Variants in POU2F1 observed in about 807,000 individuals in gnomAD.
The protein encoded by POU2F1 is POU class 2 homeobox 1, also known as POU domain, class 2, transcription factor 1.
Under a neutral mutation model 84.9 loss-of-function variants are expected in POU2F1, and 16 were observed. The ratio of observed to expected loss-of-function variants is 0.19; its 90% confidence interval spans 0.13 to 0.29. POU2F1 has a LOEUF of 0.29. POU2F1 is among the 10% of genes least tolerant of loss of function. POU2F1 has a pLI of 1.00. For synonymous variants in POU2F1, 368 were observed against 368.3 expected, an observed-to-expected ratio of 1.00 and a Z score of 0.01; for missense variants, 738 against 942.6, an observed-to-expected ratio of 0.78 and a Z score of 2.84.
intron 1 of POU2F1, among the ~76,000 whole-genome samples, chr1:167,301,924 C>A (rs1469528653): frequency 1.3e-5 from 2 of 151,874 alleles, no homozygotes; most frequent in South Asian, 2.1e-4. Flanking sequence ...AATTTAATTT[C>A]TTTTCAGTTG....
chr1:167,250,098 A>G (rs1293944257), intron 1 of POU2F1, among the ~76,000 whole-genome samples: 1 of 151,778 alleles, frequency 6.6e-6, no homozygotes, highest in Non-Finnish European at 1.5e-5. Flanking sequence ...TTTTTTCAGT[A>G]TATTTTCTAA....
rs1650755263 is a variant in POU2F1 at position 167,423,300 on chromosome 1, G to C, written c.*7490G>C. The C allele has an allele frequency of 6.6e-6, 1 of 152,224 alleles. No homozygotes were observed. Among genetic ancestry groups the C allele is most frequent in the Non-Finnish European group, 1.5e-5 (1 of 68,034 alleles). 9.4% of individuals were successfully genotyped at this position (152,224 alleles called of 1,614,324 possible). On this transcript the variant is annotated 3_prime_UTR_variant, in exon 16 of 16. Coordinates refer to ENST00000367866, the MANE Select transcript of POU2F1 (RefSeq NM_002697.4). ...ACTATTGATAGGACACAGAAAGGGA[G>C]AGAGGGTAAAGAAATGTATCACTCT...
intron 11 of POU2F1, 94 bp downstream of exon 11, chr1:167,398,227 T>C (rs1038057271): frequency 2.7e-5 from 38 of 1,392,964 alleles, no homozygotes; most frequent in Non-Finnish European, 3.5e-5. Flanking sequence ...AAAGATGACA[T>C]GTCAGCCTCT....
intron 7 of POU2F1, among the ~76,000 whole-genome samples, chr1:167,377,586 A>G (rs1464109268): frequency 6.6e-6 from 1 of 152,142 alleles, no homozygotes. Context: ...GACTCCGTCT[A>G]AAAAATAAAA....
chr1:167,404,734 C>T (rs1470590496), intron 13 of POU2F1, among the ~76,000 whole-genome samples: 1 of 152,152 alleles, frequency 6.6e-6, no homozygotes, highest in East Asian at 1.9e-4. Flanking sequence ...AGCTGGGACT[C>T]TCTGTGAGGC....
At chr1:167,252,420 T>G (rs1350521618) in intron 1 of POU2F1, among the ~76,000 whole-genome samples, 1 of 152,192 alleles carries the variant, frequency 6.6e-6, no homozygotes, top group Non-Finnish European at 1.5e-5. Flanking sequence ...AGTTTGTGCC[T>G]ACAAAACAGC....
intron 8 of POU2F1, among the ~76,000 whole-genome samples, chr1:167,385,569 A>G (rs1363678186): frequency 6.6e-6 from 1 of 152,190 alleles, no homozygotes; most frequent in East Asian, 1.9e-4. Context: ...GGGAAAAAAA[A>G]AGTCATTCAA....
intron 1 of POU2F1, among the ~76,000 whole-genome samples, chr1:167,297,829 T>G (rs12755766): frequency 0.11 from 16,292 of 152,122 alleles, 2,168 homozygotes; most frequent in African/African-American, 0.32. Flanking sequence ...GTAATGAGAA[T>G]TGGGCTGAGG....
chr1:167,385,322 T>G (rs924394774), intron 8 of POU2F1, among the ~76,000 whole-genome samples: 10 of 152,176 alleles, frequency 6.6e-5, no homozygotes, highest in Non-Finnish European at 1.5e-4. Flanking sequence ...TTGTAGAAAT[T>G]TGCATACTGT....
intron 1 of POU2F1, among the ~76,000 whole-genome samples, chr1:167,240,575 A>G (rs1183854493): frequency 1.3e-5 from 2 of 152,348 alleles, no homozygotes; most frequent in Non-Finnish European, 2.9e-5. Context: ...TTATGAGCTT[A>G]TACTTAGCCT....
intron 1 of POU2F1, among the ~76,000 whole-genome samples, chr1:167,250,517 A>G (rs562763560): frequency 1.3e-5 from 2 of 152,332 alleles, no homozygotes; most frequent in South Asian, 2.1e-4. Context: ...AGAGAAAAAA[A>G]GTAATCTTGT....
At chr1:167,377,292 A>G (rs1660392850) in intron 7 of POU2F1, among the ~76,000 whole-genome samples, 1 of 152,218 alleles carries the variant, frequency 6.6e-6, no homozygotes, top group South Asian at 2.1e-4. Flanking sequence ...TGATTTATTT[A>G]AGAGTCATTA....
intron 1 of POU2F1, among the ~76,000 whole-genome samples, chr1:167,310,928 T>C (rs1655424784): frequency 6.6e-6 from 1 of 152,020 alleles, no homozygotes; most frequent in Non-Finnish European, 1.5e-5. Flanking sequence ...GGTGGAACAA[T>C]AGAAATTACC....
chr1:167,237,334 A>G (rs571829952), intron 1 of POU2F1, among the ~76,000 whole-genome samples: 17 of 152,322 alleles, frequency 1.1e-4, no homozygotes, highest in Non-Finnish European at 1.8e-4. Flanking sequence ...ATATTGTTGC[A>G]TGCATAAGTT....
At chr1:167,351,519 C>CAAAAAAAAAAAAAAAAAAAAAAA (rs34170498) in intron 2 of POU2F1, among the ~76,000 whole-genome samples, 5 of 45,986 alleles carry the variant, frequency 1.1e-4, no homozygotes, top group African/African-American at 2.9e-4. Context: ...AGCACCATCT[C>CAAAAAAAAAAAAAAAAAAAAAAA]AAAAAAAAAA....
chr1:167,363,365 T>G (rs1185971676), intron 2 of POU2F1, among the ~76,000 whole-genome samples: 2 of 152,232 alleles, frequency 1.3e-5, no homozygotes, highest in Non-Finnish European at 1.5e-5. Flanking sequence ...GTTTCTCTAA[T>G]GGTGAACAGT....
At chr1:167,222,593 G>C (rs1025571084) in intron 1 of POU2F1, among the ~76,000 whole-genome samples, 1 of 152,056 alleles carries the variant, frequency 6.6e-6, no homozygotes, top group Non-Finnish European at 1.5e-5. Context: ...TAGGCCTCAT[G>C]TTCTCTGCTG....
intron 1 of POU2F1, among the ~76,000 whole-genome samples, chr1:167,272,557 G>A (rs1442880455): frequency 6.6e-6 from 1 of 152,086 alleles, no homozygotes; most frequent in Non-Finnish European, 1.5e-5. Context: ...TTAGAATCAT[G>A]GCAGAAACTG....
intron 1 of POU2F1, among the ~76,000 whole-genome samples, chr1:167,287,495 A>T (rs890346241): frequency 2.0e-5 from 3 of 152,236 alleles, no homozygotes; most frequent in African/African-American, 7.2e-5. Context: ...CAACCAACAA[A>T]GGAAAAAAAT....
Sources: gnomAD v4.1 joint callset for allele counts (sites outside exome capture counted in the v4.1 genomes callset) on GRCh38, gnomAD v4.1.1 for gene constraint, MANE v1.5 for transcripts, NCBI Gene and HGNC (gene_info 2026-07-23, HGNC 2026-07-21) for gene names.